The following SYT7 variants were observed in gnomAD, a reference collection of about 807,000 sequenced individuals.
SYT7 encodes the protein synaptotagmin 7.
A neutral mutation model predicts 75.1 loss-of-function variants in SYT7; 29 were observed. The ratio of observed to expected loss-of-function variants is 0.39; its 90% CI spans 0.29 to 0.53. The LOEUF (loss-of-function observed/expected upper bound fraction) is 0.53. Ranked by LOEUF, SYT7 falls within the 20% of genes least tolerant of loss-of-function variation. The pLI is 0.77. For missense variants in SYT7, 693 were observed against 953.2 expected, an observed-to-expected ratio of 0.73 and a Z score of 3.59; for synonymous variants, 376 against 401.7, an observed-to-expected ratio of 0.94 and a Z score of 0.76.
rs1034224129 is a variant in SYT7, at chr11:61,516,339, G to A, written c.*2288C>T. 5.9e-5 allele frequency: 9 copies of A among 152,230 alleles called. No homozygotes were observed. The highest frequency in any genetic ancestry group is 1.3e-4 in the Non-Finnish European group (9 of 68,054). The allele number at this position is 152,230 out of a possible 1,614,324, so 9.4% of individuals were successfully genotyped here. ...TGCCTGGGTGGGGTCTGGTTGGGAA[G>A]AGACCCCTGCCAGGAGATGCTCTCT... On this transcript the variant is annotated 3_prime_UTR_variant, in exon 13 of 13. Transcript: ENST00000539008. The surrounding 1 kb of genome is among the most constrained non-coding windows in gnomAD (Gnocchi z 4.6).
At chr11:61,527,812 T>C in intron 9 of SYT7, 103 bp downstream of exon 9, 1 of 1,381,770 alleles carries the variant, frequency 7.2e-7, no homozygotes, top group East Asian at 2.3e-5. Flanking sequence ...TGCAGGTGTG[T>C]GTACACATAT....
At position 61,556,205 on chromosome 11, in the gene SYT7, C is replaced by T; in HGVS notation, c.34G>A (p.Ala12Thr). 1 of 1,612,436 alleles carries T rather than the reference C, an allele frequency of 6.2e-7. No individual in the cohort carries two copies. Among genetic ancestry groups the T allele is most frequent in the East Asian group, 2.2e-5 (1 of 44,842 alleles). ...ACCAGCAGGACGTCGCGCGAGGGCG[C>T]CCCTGGGGAGGACAGGTACAGGTCA... ...YRDPEAASPG[A>T]PSRDVLLVSA... The change falls in exon 2 of 13, where the codon GCG (alanine) becomes ACG (threonine). Residue 12 changes from alanine to threonine, a missense_variant and splice_region_variant. By Grantham distance (58) the Ala-to-Thr change is moderately conservative. Transcript: ENST00000539008.
In SYT7 at chr11:61,565,606, A is replaced by G. The variant is rs79686422; in HGVS notation, c.32-9399T>C. On this transcript the variant is annotated intron_variant, in intron 1 of 12. Transcript: ENST00000539008. Reference sequence around the variant, plus strand: ...AATTGAGATAGGCGAGAAGGAAAAAAGAATAAGGAAGGGAGAACACCCAGC... The same window carrying G: ...AATTGAGATAGGCGAGAAGGAAAAAGGAATAAGGAAGGGAGAACACCCAGC... 7.8e-4 allele frequency among the ~76,000 whole-genome samples: 119 copies of G among 152,344 alleles called. No individual in the cohort carries two copies. In the Middle Eastern group the frequency reaches 0.01, roughly 13 times the overall value.
chr11:61,547,422 G>A (rs1565189281), intron 3 of SYT7, 114 bp from the exon 4 acceptor site: 14 of 1,210,846 alleles, frequency 1.2e-5, no homozygotes, highest in South Asian at 6.1e-5. Context: ...CACAGTGGGC[G>A]GGGCTTCGTG....
At position 61,518,725 on chromosome 11, in the gene SYT7, G is replaced by A; in HGVS notation, c.1963C>T (p.Leu655=). ...SRNDVIGKIY[L]SWKSGPGEVK... ...TCCCCTGGCCCGCTCTTCCAGGACAGGTAGATCTGGGGAGAAAGGGGAGAC... is the reference window on the plus strand; with the variant it reads ...TCCCCTGGCCCGCTCTTCCAGGACAAGTAGATCTGGGGAGAAAGGGGAGAC... Residue 655 remains leucine, a synonymous_variant, in exon 13 of 13, where the codon CTG becomes TTG. Transcript: ENST00000539008. 2 of 1,541,620 alleles carry A rather than the reference G, an allele frequency of 1.3e-6. No individual in the cohort carries two copies. The highest frequency in any genetic ancestry group is 1.8e-6 in the Non-Finnish European group (2 of 1,140,294).
chr11:61,530,060 A>C (rs939584411), intron 8 of SYT7, among the ~76,000 whole-genome samples: 12 of 152,316 alleles, frequency 7.9e-5, no homozygotes, highest in Non-Finnish European at 1.5e-4. Flanking sequence ...CTCCCGCTGG[A>C]ACACGTGGAA....
Position 61,542,377 on chromosome 11 carries a change from C to T in SYT7, c.775G>A (p.Ala259Thr). The change falls in exon 6 of 13, where the codon GCA becomes ACA. Residue 259 changes from alanine (A) to threonine (T), a missense_variant. By Grantham distance (58) the Ala-to-Thr change is moderately conservative (BLOSUM62 0). This residue lies in a region of SYT7 where 487 missense variants were observed against 593.2 expected (regional missense o/e 0.82). Transcript: ENST00000539008. The surrounding 1 kb of genome is among the most constrained non-coding windows in gnomAD (Gnocchi z 7.8). ...TAGGCCCGGGGGTTGGGGCCTGGTG[C>T]CGAGGCCATGTGGGCCTGCAGCTGG... ...LGQLQAHMASAPGPNPRAYGR... is the reference protein window; with the variant it reads ...LGQLQAHMASTPGPNPRAYGR... 1 of 1,530,750 alleles carries T rather than the reference C, an allele frequency of 6.5e-7. No individual in the cohort carries two copies. The highest frequency in any genetic ancestry group is 8.7e-7 in the Non-Finnish European group (1 of 1,144,568). 94.8% of individuals were successfully genotyped at this position (1,530,750 alleles called of 1,614,324 possible).
At chr11:61,548,202 G>A (rs1018412182) in intron 3 of SYT7, among the ~76,000 whole-genome samples, 5 of 152,218 alleles carry the variant, frequency 3.3e-5, no homozygotes, top group Non-Finnish European at 7.3e-5. Flanking sequence ...TCGGTCCTTT[G>A]TTCTGGGGCC....
At chr11:61,528,324 G>T in intron 8 of SYT7, 139 bp from the exon 9 acceptor site, 1 of 1,084,936 alleles carries the variant, frequency 9.2e-7, no homozygotes, top group Non-Finnish European at 1.3e-6. Context: ...CTCAGGCTCA[G>T]AGGGCAGGTG....
chr11:61,517,851 G>C lies in SYT7; in HGVS notation c.*776C>G. 3.9e-4 allele frequency: 72 copies of C among 185,392 alleles called. No homozygotes were observed. Among genetic ancestry groups the C allele is most frequent in the Middle Eastern group, 4.1e-3 (2 of 482 alleles). The allele number at this position is 185,392 out of a possible 1,614,324, so 11.5% of individuals were successfully genotyped here. A position where few individuals can be genotyped will look rare whatever the true frequency, so the allele number is the denominator to read the frequency against. On this transcript the variant is annotated 3_prime_UTR_variant, in exon 13 of 13. Coordinates refer to ENST00000539008, the MANE Select transcript of SYT7 (RefSeq NM_001365809.2). ...GGGCACCAAGGGGAGAAGGGGAGGAGACGGGGGGATGGCAGGAGGCAGCCC... is the reference window on the plus strand; with the variant it reads ...GGGCACCAAGGGGAGAAGGGGAGGACACGGGGGGATGGCAGGAGGCAGCCC...
intron 1 of SYT7, among the ~76,000 whole-genome samples, chr11:61,574,755 G>A (rs987249765): frequency 1.3e-5 from 2 of 152,024 alleles, no homozygotes; most frequent in African/African-American, 2.4e-5. Context: ...CTGGCAGAGC[G>A]GGAGAGAGCC....
At chr11:61,549,666 G>A (rs1029690339) in intron 3 of SYT7, among the ~76,000 whole-genome samples, 5 of 152,208 alleles carry the variant, frequency 3.3e-5, no homozygotes, top group African/African-American at 7.2e-5. Context: ...AGACACACAC[G>A]GTGGCTTCTG....
chr11:61,554,433 C>CACAG (rs201577109), intron 2 of SYT7, among the ~76,000 whole-genome samples: 1 of 152,060 alleles, frequency 6.6e-6, no homozygotes, highest in African/African-American at 2.4e-5. Context: ...AACGGACACG[C>CACAG]ACAGACAGAC....
At chr11:61,549,141 T>C (rs1220117582) in intron 3 of SYT7, among the ~76,000 whole-genome samples, 2 of 151,890 alleles carry the variant, frequency 1.3e-5, no homozygotes, top group Non-Finnish European at 2.9e-5. Context: ...CCTCCAGATC[T>C]CCAGAATCTA....
intron 12 of SYT7, among the ~76,000 whole-genome samples, chr11:61,520,050 C>A (rs891960645): frequency 1.9e-5 from 2 of 103,594 alleles, no homozygotes; most frequent in Admixed American, 7.9e-5. Flanking sequence ...ACACTCCTGA[C>A]CTCGTGATCT....
At chr11:61,563,865 T>C (rs973265336) in intron 1 of SYT7, among the ~76,000 whole-genome samples, 2 of 152,192 alleles carry the variant, frequency 1.3e-5, no homozygotes, top group Non-Finnish European at 2.9e-5. Flanking sequence ...ACCTAGAGGA[T>C]TGAGACCCCC....
chr11:61,546,267 C>A lies in SYT7; in HGVS notation c.348-12G>T. On this transcript the variant is annotated splice_polypyrimidine_tract_variant and intron_variant, in intron 4 of 12. Coordinates refer to ENST00000539008, the MANE Select transcript of SYT7 (RefSeq NM_001365809.2). The surrounding 1 kb of genome is among the most constrained non-coding windows in gnomAD (Gnocchi z 7.6). ...ACAGGAGGGTGCCACTGGAGGCATG[C>A]ACGAGGCAGCCAGGCCAGAGGGGCA... 3 of 1,425,288 alleles carry A rather than the reference C, an allele frequency of 2.1e-6. No individual in the cohort carries two copies. Among genetic ancestry groups the A allele is most frequent in the Non-Finnish European group, 2.7e-6 (3 of 1,098,530 alleles). The allele number at this position is 1,425,288 out of a possible 1,614,324, so 88.3% of individuals were successfully genotyped here.
chr11:61,562,371 C>T (rs1271884930), intron 1 of SYT7, among the ~76,000 whole-genome samples: 5 of 152,250 alleles, frequency 3.3e-5, no homozygotes, highest in Non-Finnish European at 5.9e-5. Context: ...GCCTTGGTTT[C>T]CCCATCTGTA....
chr11:61,553,341 GCTGAGGGCATCCCAT>G lies in SYT7; in HGVS notation c.136-1893_136-1879del, dbSNP rs1206689352. On this transcript the variant is annotated intron_variant, in intron 2 of 12. Coordinates refer to ENST00000539008, the MANE Select transcript of SYT7 (RefSeq NM_001365809.2). The surrounding 1 kb of genome is among the most constrained non-coding windows in gnomAD (Gnocchi z 5.2). ...GGCAGTGTGGGTCAAGAGTGGGGCTGCTGAGGGCATCCCATGCCACCCCTCGCCCTTCTCTTCCTT... is the reference window on the plus strand; with the variant it reads ...GGCAGTGTGGGTCAAGAGTGGGGCTGGCCACCCCTCGCCCTTCTCTTCCTT... Among the ~76,000 whole-genome samples the G allele has an allele frequency of 6.6e-6, 1 of 152,256 alleles. No homozygotes were observed. Among genetic ancestry groups the G allele is most frequent in the Non-Finnish European group, 1.5e-5 (1 of 68,048 alleles).
Sources: allele counts gnomAD v4.1 joint callset (sites outside exome capture counted in the v4.1 genomes callset), GRCh38; gene constraint gnomAD v4.1.1; regional missense constraint gnomAD v4.1.1; non-coding constraint Gnocchi (gnomAD v3.1); transcripts MANE v1.5; gene names NCBI Gene and HGNC (gene_info 2026-07-23, HGNC 2026-07-21).